The following POLN variants were observed in gnomAD, a reference collection of about 807,000 sequenced individuals.
The protein encoded by POLN is DNA polymerase nu, also known as DNA polymerase N.
Under a neutral mutation model 113.5 loss-of-function variants are expected in POLN, and 108 were observed. That is an observed-to-expected ratio of 0.95 (90% CI 0.81 to 1.12). The LOEUF is 1.12. Among genes scored for constraint, POLN ranks in the 50% most tolerant of loss-of-function variants. The pLI, the probability that POLN is intolerant of heterozygous loss-of-function variation, is 0.00. For synonymous variants in POLN, 386 were observed against 391.5 expected, an observed-to-expected ratio of 0.99 and a Z score of 0.17; for missense variants, 1,097 against 1,077.1, an observed-to-expected ratio of 1.02 and a Z score of -0.26.
intron 19 of POLN, among the ~76,000 whole-genome samples, chr4:2,113,859 A>AAATAATAATAATAAT (rs150255371): frequency 7.1e-6 from 1 of 140,038 alleles, no homozygotes; most frequent in Non-Finnish European, 1.5e-5. Context: ...CTCCATTTCA[A>AAATAATAATAATAAT]AATAATAATA....
chr4:2,111,293 G>C (rs1731187074), intron 19 of POLN, among the ~76,000 whole-genome samples: 1 of 151,970 alleles, frequency 6.6e-6, no homozygotes, highest in Non-Finnish European at 1.5e-5. Flanking sequence ...ATACTGAATG[G>C]ACAAAAACTG....
rs201356192 is a variant in POLN at position 2,085,697 on chromosome 4, C to A, written c.2113G>T (p.Ala705Ser). The change falls in exon 21 of 26, where the codon GCC becomes TCC. Residue 705 changes from alanine to serine, a missense_variant. By Grantham distance (99) the Ala-to-Ser change is moderately conservative. Transcript: ENST00000511885. ...TGCAAAAAACTCTCCAAAAACTGGG[C>A]AGCTTCCTGAATAGGAACTCCAAGG... ...ACLGVPIQEA[A>S]QFLESFLQKY... 1.3e-5 allele frequency: 21 copies of A among 1,614,102 alleles called. No homozygotes were observed. The East Asian group carries it at 4.5e-4, about 34-fold the overall frequency.
chr4:2,145,064 A>G (rs1426704369), intron 16 of POLN, among the ~76,000 whole-genome samples: 1 of 152,238 alleles, frequency 6.6e-6, no homozygotes, highest in East Asian at 1.9e-4. Flanking sequence ...AACAATAGCT[A>G]TAACAAACAG....
At chr4:2,203,304 G>A (rs111843209) in intron 5 of POLN, among the ~76,000 whole-genome samples, 66 of 152,126 alleles carry the variant, frequency 4.3e-4, no homozygotes, top group East Asian at 1.7e-3. Flanking sequence ...AAACTGGGCC[G>A]GGCGCGGTGG....
intron 19 of POLN, among the ~76,000 whole-genome samples, chr4:2,105,339 T>C (rs1222536110): frequency 2.0e-5 from 3 of 152,234 alleles, no homozygotes; most frequent in South Asian, 2.1e-4. Context: ...TGCCTTTTTT[T>C]CCCCTACAAC....
At chr4:2,220,688 C>G (rs1734232412) in intron 3 of POLN, among the ~76,000 whole-genome samples, 1 of 152,178 alleles carries the variant, frequency 6.6e-6, no homozygotes. Context: ...GCTACTCCTG[C>G]TAGTTAGTAA....
chr4:2,128,783 A>C (rs745549949), intron 18 of POLN, among the ~76,000 whole-genome samples: 2 of 152,334 alleles, frequency 1.3e-5, no homozygotes, highest in Admixed American at 1.3e-4. Flanking sequence ...GGCCAGCCGC[A>C]GTGGCTTATG....
intron 23 of POLN, among the ~76,000 whole-genome samples, chr4:2,078,110 G>T (rs1730319070): frequency 6.6e-6 from 1 of 152,252 alleles, no homozygotes; most frequent in Non-Finnish European, 1.5e-5. Flanking sequence ...CTGCTGAACT[G>T]CTCTGTGGAC....
At chr4:2,175,085 A>G (rs1408116926) in intron 9 of POLN, among the ~76,000 whole-genome samples, 2 of 152,122 alleles carry the variant, frequency 1.3e-5, no homozygotes, top group Admixed American at 1.3e-4. Flanking sequence ...TGGCCTCCCG[A>G]AGTGCTGGGA....
At chr4:2,128,068 G>C in intron 19 of POLN, 45 bp downstream of exon 19, 1 of 1,226,336 alleles carries the variant, frequency 8.2e-7, no homozygotes, top group Non-Finnish European at 1.2e-6. Flanking sequence ...AACTCATGTT[G>C]GCCTTCCTGC....
chr4:2,239,184 A>T (rs956330022), intron 2 of POLN: 2 of 516,964 alleles, frequency 3.9e-6, no homozygotes, highest in Non-Finnish European at 6.6e-6. Flanking sequence ...ATAAACAAAA[A>T]TTACAGTTTA....
intron 2 of POLN, chr4:2,231,753 A>G (rs1734585879): frequency 2.1e-6 from 1 of 472,120 alleles, no homozygotes; most frequent in Admixed American, 4.4e-5. Context: ...CATAAAAAGC[A>G]CTGGTATTCT....
At chr4:2,104,526 T>C (rs148267159) in intron 19 of POLN, among the ~76,000 whole-genome samples, 1 of 152,248 alleles carries the variant, frequency 6.6e-6, no homozygotes, top group Non-Finnish European at 1.5e-5. Context: ...TGGTTACTTT[T>C]ATTTTGTAGA....
intron 3 of POLN, among the ~76,000 whole-genome samples, chr4:2,223,641 T>A (rs780100638): frequency 6.6e-6 from 1 of 152,198 alleles, no homozygotes; most frequent in Non-Finnish European, 1.5e-5. Flanking sequence ...AGCTGTATGA[T>A]CTAGCCTGTA....
At chr4:2,084,150 G>A (rs1560973069) in intron 21 of POLN, among the ~76,000 whole-genome samples, 1 of 152,240 alleles carries the variant, frequency 6.6e-6, no homozygotes, top group Admixed American at 6.5e-5. Context: ...CATGCTTCTA[G>A]ACTATTCTCA....
chr4:2,142,819 T>C, intron 16 of POLN, among the ~76,000 whole-genome samples: 2 of 151,290 alleles, frequency 1.3e-5, no homozygotes, highest in South Asian at 4.2e-4. Flanking sequence ...GTGATTGTGG[T>C]TTTTTTTTAA....
rs1178680019 is a variant in POLN, at chr4:2,208,406, G to C, written c.295C>G (p.Gln99Glu). The C allele has an allele frequency of 6.2e-7, 1 of 1,610,652 alleles. No homozygotes were observed. ...PQSFSVRLTD[Q>E]LSADQKQKSI... The stretch of plus-strand genomic sequence containing the variant: ...TTCTGTTTTTGGTCAGCAGACAGCT[G>C]ATCTGTGAGCCTGACACTGAAGGAC... The change falls in exon 5 of 26, where the codon CAG (glutamine) becomes GAG (glutamate). Residue 99 changes from glutamine to glutamate, a missense_variant. Physicochemically the swap from Gln to Glu is conservative, Grantham distance 29. Coordinates refer to ENST00000511885, the MANE Select transcript of POLN (RefSeq NM_181808.4).
At chr4:2,099,504 GTCC>G (rs1488357530) in intron 19 of POLN, among the ~76,000 whole-genome samples, 1 of 152,194 alleles carries the variant, frequency 6.6e-6, no homozygotes, top group Non-Finnish European at 1.5e-5. Context: ...TACCTGACCA[GTCC>G]TCCTCAAAAC....
chr4:2,140,638 C>T (rs1731976276), intron 16 of POLN, among the ~76,000 whole-genome samples: 1 of 152,040 alleles, frequency 6.6e-6, no homozygotes, highest in East Asian at 1.9e-4. Context: ...ATCCCAGCTA[C>T]TCAGGAGGCT....
Sources: allele counts gnomAD v4.1 joint callset (sites outside exome capture counted in the v4.1 genomes callset), GRCh38; gene constraint gnomAD v4.1.1; transcripts MANE v1.5; gene names NCBI Gene and HGNC (gene_info 2026-07-23, HGNC 2026-07-21).